Variants in SPRYD4 observed in about 807,000 individuals in gnomAD.
The protein encoded by SPRYD4 is SPRY domain-containing protein 4.
SPRYD4 carries 12 observed loss-of-function variants against 16.6 expected under a neutral mutation model. The observed-to-expected ratio is 0.72, with a 90% CI of 0.46 to 1.17. The LOEUF (loss-of-function observed/expected upper bound fraction) is 1.17. Among genes scored for constraint, SPRYD4 ranks in the 50% most tolerant of loss-of-function variants. SPRYD4 has a pLI of 0.00. For synonymous variants in SPRYD4, 98 were observed against 105.4 expected, an observed-to-expected ratio of 0.93 and a Z score of 0.43; for missense variants, 260 against 260.2, an observed-to-expected ratio of 1.00 and a Z score of 0.00.
Position 56,478,011 on chromosome 12 carries a change from C to T in SPRYD4, c.*8434C>T. ...ACAAACTTGTGCACGTAGTCAGTGC[C>T]TAGGGTGCTTATGGAGATGGCATAG... On this transcript the variant is annotated 3_prime_UTR_variant, in exon 2 of 2. Coordinates refer to ENST00000338146, the MANE Select transcript of SPRYD4 (RefSeq NM_207344.4). The T allele has an allele frequency of 6.2e-7, 1 of 1,614,236 alleles. No homozygotes were observed. Among genetic ancestry groups the T allele is most frequent in the Non-Finnish European group, 8.5e-7 (1 of 1,180,034 alleles).
Position 56,471,744 on chromosome 12 carries a change from CCCT to C in SPRYD4, c.*2173_*2175del, listed in dbSNP as rs1347518563. ...AGGGTAGGTGGAGAAGCTGTGCCCA[CCCT>C]CCTCCACTTTTAGCCTATTCCTCAC... On this transcript the variant is annotated 3_prime_UTR_variant, in exon 2 of 2. Coordinates refer to ENST00000338146, the MANE Select transcript of SPRYD4 (RefSeq NM_207344.4). 1.2e-6 allele frequency: 2 copies of C among 1,613,012 alleles called. No homozygotes were observed. Among genetic ancestry groups the C allele is most frequent in the East Asian group, 2.2e-5 (1 of 44,894 alleles).
chr12:56,468,948 G>T, intron 1 of SPRYD4, 91 bp from the exon 2 acceptor site: 1 of 1,458,796 alleles, frequency 6.9e-7, no homozygotes, highest in Non-Finnish European at 9.2e-7. Context: ...AGTTGCTCGT[G>T]TATCATGGCT....
chr12:56,469,071 C>T lies in SPRYD4; in HGVS notation c.118C>T (p.His40Tyr). 1 of 1,576,002 alleles carries T rather than the reference C, an allele frequency of 6.3e-7. No individual in the cohort carries two copies. The highest frequency in any genetic ancestry group is 8.6e-7 in the Non-Finnish European group (1 of 1,161,102). The change falls in exon 2 of 2, where the codon CAC (histidine) becomes TAC (tyrosine). Residue 40 changes from histidine to tyrosine, a missense_variant. Coordinates refer to ENST00000338146, the MANE Select transcript of SPRYD4 (RefSeq NM_207344.4). ...VSFKLEEKTA[H>Y]SSLALFRDDT... is the part of the protein sequence containing the mutation. ...TTTCAAACTGGAAGAAAAAACCGCC[C>T]ACAGCAGCCTGGCACTCTTCAGAGA...
In SPRYD4 at chr12:56,477,728, T is replaced by C. The variant is rs1379380661; in HGVS notation, c.*8151T>C. On this transcript the variant is annotated 3_prime_UTR_variant, in exon 2 of 2. Coordinates refer to ENST00000338146, the MANE Select transcript of SPRYD4 (RefSeq NM_207344.4). ...GGGTTATGGGGGATTCCTGGGGAAATACAAACCACCAAGAGTCTTAGCCAC... is the reference window on the plus strand; with the variant it reads ...GGGTTATGGGGGATTCCTGGGGAAACACAAACCACCAAGAGTCTTAGCCAC... 1 of 1,608,368 alleles carries C rather than the reference T, an allele frequency of 6.2e-7. No individual in the cohort carries two copies. Among genetic ancestry groups the C allele is most frequent in the Non-Finnish European group, 8.5e-7 (1 of 1,177,766 alleles).
rs1321513095 is a variant in SPRYD4, at chr12:56,474,907, G to A, written c.*5330G>A. On this transcript the variant is annotated 3_prime_UTR_variant, in exon 2 of 2. Coordinates refer to ENST00000338146, the MANE Select transcript of SPRYD4 (RefSeq NM_207344.4). ...CCCCTTAGGAAAGCACTGCAAGGAAGAGAGGGGAGAGCATTTCTCTTCAGG... is the reference window on the plus strand; with the variant it reads ...CCCCTTAGGAAAGCACTGCAAGGAAAAGAGGGGAGAGCATTTCTCTTCAGG... 1.2e-6 allele frequency: 2 copies of A among 1,614,020 alleles called. No individual in the cohort carries two copies. Among genetic ancestry groups the A allele is most frequent in the Admixed American group, 1.7e-5 (1 of 60,008 alleles).
rs1216732258 is a variant in SPRYD4, at chr12:56,472,390, ATCCT to A, written c.*2817_*2820del. On this transcript the variant is annotated 3_prime_UTR_variant, in exon 2 of 2. Transcript: ENST00000338146. ...CTCATATTAGAGAGATGGGAATGTG[ATCCT>A]TCCAGAAATATCACTCACTGCCTAC... The A allele has an allele frequency of 1.3e-5, 8 of 614,158 alleles. No homozygotes were observed. Among genetic ancestry groups the A allele is most frequent in the Non-Finnish European group, 2.0e-5 (7 of 350,004 alleles). 38.0% of individuals were successfully genotyped at this position (614,158 alleles called of 1,614,324 possible). A position where few individuals can be genotyped will look rare whatever the true frequency, so the allele number is the denominator to read the frequency against.
rs755989577 is a variant in SPRYD4, at chr12:56,475,009, C to T, written c.*5432C>T. ...CTGCCCTTCCACTAGCAGCAGAATT[C>T]CCAGGGACTTTCTCTTCCGGCCTCT... On this transcript the variant is annotated 3_prime_UTR_variant, in exon 2 of 2. Transcript: ENST00000338146. 6.2e-7 allele frequency: 1 copy of T among 1,614,004 alleles called. No individual in the cohort carries two copies. The highest frequency in any genetic ancestry group is 8.5e-7 in the Non-Finnish European group (1 of 1,180,038).
rs139232079 is a variant in SPRYD4 at position 56,469,719 on chromosome 12, C to T, written c.*142C>T. On this transcript the variant is annotated 3_prime_UTR_variant, in exon 2 of 2. Transcript: ENST00000338146. ...CTCTGTGCAATATCATGATCATCTTCCTCATCCCCTACCTTGTGAAAGCTA... is the reference window on the plus strand; with the variant it reads ...CTCTGTGCAATATCATGATCATCTTTCTCATCCCCTACCTTGTGAAAGCTA... 38 of 811,540 alleles carry T rather than the reference C, an allele frequency of 4.7e-5. 1 individual carries two copies. The East Asian group carries it at 1.0e-3, about 22-fold the overall frequency. 50.3% of individuals were successfully genotyped at this position (811,540 alleles called of 1,614,324 possible).
chr12:56,468,732 C>T, intron 1 of SPRYD4, 56 bp downstream of exon 1: 1 of 1,565,596 alleles, frequency 6.4e-7, no homozygotes, highest in Non-Finnish European at 8.8e-7. Flanking sequence ...TCTATTATTC[C>T]CAGACCCCAC....
In SPRYD4 at chr12:56,471,682, G is replaced by A. The variant is rs781019810; in HGVS notation, c.*2105G>A. The A allele has an allele frequency of 5.0e-6, 8 of 1,612,728 alleles. No individual in the cohort carries two copies. In the South Asian group the frequency reaches 5.5e-5, roughly 11 times the overall value. On this transcript the variant is annotated 3_prime_UTR_variant, in exon 2 of 2. Transcript: ENST00000338146. ...TGATATGATCAGGCAAAGGAGACGT[G>A]GAGAGTGGTGGTTGTATATATTTGC... is the stretch of plus-strand genomic sequence containing the variant.
At position 56,475,131 on chromosome 12, in the gene SPRYD4, A is replaced by G. The variant is rs1869691050; in HGVS notation, c.*5554A>G. ...GGAATCTGAAGCAAACACCCAATTTAGTACTTGAAGTTGGAGGAGTGGGTG... is the reference window on the plus strand; with the variant it reads ...GGAATCTGAAGCAAACACCCAATTTGGTACTTGAAGTTGGAGGAGTGGGTG... On this transcript the variant is annotated 3_prime_UTR_variant, in exon 2 of 2. Coordinates refer to ENST00000338146, the MANE Select transcript of SPRYD4 (RefSeq NM_207344.4). 6.2e-7 allele frequency: 1 copy of G among 1,613,638 alleles called. No individual in the cohort carries two copies. The highest frequency in any genetic ancestry group is 1.1e-5 in the South Asian group (1 of 91,088).
chr12:56,479,103 C>A lies in SPRYD4; in HGVS notation c.*9526C>A. On this transcript the variant is annotated 3_prime_UTR_variant, in exon 2 of 2. Transcript: ENST00000338146. ...CCTCAAAGATGCGATCCACATGGCC[C>A]GTGAACTCCTCAAAATCAGGAATGA... 6.2e-7 allele frequency: 1 copy of A among 1,614,000 alleles called. No homozygotes were observed. Among genetic ancestry groups the A allele is most frequent in the Non-Finnish European group, 8.5e-7 (1 of 1,180,014 alleles).
In SPRYD4 at chr12:56,477,674, T is replaced by C. The variant is rs761448385; in HGVS notation, c.*8097T>C. ...GTGGCACTGACCTTGATCAGGGAGC[T>C]GACAACAATGGCACCAGCATTGACC... On this transcript the variant is annotated 3_prime_UTR_variant, in exon 2 of 2. Transcript: ENST00000338146. 1 of 1,613,314 alleles carries C rather than the reference T, an allele frequency of 6.2e-7. No homozygotes were observed. Among genetic ancestry groups the C allele is most frequent in the Non-Finnish European group, 8.5e-7 (1 of 1,179,768 alleles).
rs1015573938 is a variant in SPRYD4, at chr12:56,474,538, A to G, written c.*4961A>G. The G allele has an allele frequency of 3.1e-6, 5 of 1,613,584 alleles. No homozygotes were observed. In the African/African-American group the frequency reaches 5.3e-5, roughly 17 times the overall value. ...TGACAGATGGATAGCAGAGCCAGAA[A>G]CTCACGTGGAAGGCAAACTGGCCAG... is the stretch of plus-strand genomic sequence containing the variant. On this transcript the variant is annotated 3_prime_UTR_variant, in exon 2 of 2. Transcript: ENST00000338146.
rs1407997572 is a variant in SPRYD4 at position 56,475,559 on chromosome 12, C to T, written c.*5982C>T. 1.3e-6 allele frequency: 2 copies of T among 1,526,630 alleles called. No individual in the cohort carries two copies. The highest frequency in any genetic ancestry group is 1.4e-5 in the African/African-American group (1 of 73,034). The allele number at this position is 1,526,630 out of a possible 1,614,324, so 94.6% of individuals were successfully genotyped here. A position where few individuals can be genotyped will look rare whatever the true frequency, so the allele number is the denominator to read the frequency against. ...ATTCTCTCTCCCCCATTCCTCTTGT[C>T]CCCATCCTAAGTACACACACATACA... On this transcript the variant is annotated 3_prime_UTR_variant, in exon 2 of 2. Coordinates refer to ENST00000338146, the MANE Select transcript of SPRYD4 (RefSeq NM_207344.4).
chr12:56,474,529 G>T lies in SPRYD4; in HGVS notation c.*4952G>T. Reference sequence around the variant, plus strand: ...CTGGGCTCATGACAGATGGATAGCAGAGCCAGAAACTCACGTGGAAGGCAA... The same window carrying T: ...CTGGGCTCATGACAGATGGATAGCATAGCCAGAAACTCACGTGGAAGGCAA... On this transcript the variant is annotated 3_prime_UTR_variant, in exon 2 of 2. Transcript: ENST00000338146. The T allele has an allele frequency of 6.2e-7, 1 of 1,613,402 alleles. No individual in the cohort carries two copies.
chr12:56,472,099 CCTCCTTAA>C lies in SPRYD4; in HGVS notation c.*2524_*2531del. On this transcript the variant is annotated 3_prime_UTR_variant, in exon 2 of 2. Coordinates refer to ENST00000338146, the MANE Select transcript of SPRYD4 (RefSeq NM_207344.4). ...GGTCTTATGATTACCCTCCTCCTCCCCTCCTTAACCCTTCAGTACCTTCAGCTGCAGCA... is the reference window on the plus strand; with the variant it reads ...GGTCTTATGATTACCCTCCTCCTCCCCCCTTCAGTACCTTCAGCTGCAGCA... The C allele has an allele frequency of 6.2e-7, 1 of 1,612,542 alleles. No homozygotes were observed. The highest frequency in any genetic ancestry group is 8.5e-7 in the Non-Finnish European group (1 of 1,178,866).
chr12:56,469,338 C>A lies in SPRYD4; in HGVS notation c.385C>A (p.Arg129Ser). ...TTCCTGGGTGTTCACCTATGCCCAG[C>A]GCAAGTGGTACACCATGTTGGCCAA... The part of the protein sequence containing the change: ...DRSWVFTYAQ[R>S]KWYTMLANEK... Residue 129 changes from arginine (R) to serine (S), a missense_variant, in exon 2 of 2, where the codon CGC becomes AGC. Coordinates refer to ENST00000338146, the MANE Select transcript of SPRYD4 (RefSeq NM_207344.4). 2 of 1,614,124 alleles carry A rather than the reference C, an allele frequency of 1.2e-6. No individual in the cohort carries two copies. Among genetic ancestry groups the A allele is most frequent in the Non-Finnish European group, 1.7e-6 (2 of 1,180,014 alleles).
Position 56,472,203 on chromosome 12 carries a change from T to C in SPRYD4, c.*2626T>C, listed in dbSNP as rs746549223. On this transcript the variant is annotated 3_prime_UTR_variant, in exon 2 of 2. Transcript: ENST00000338146. ...ATGGCTGACAAGGCAAACCTGAGGG[T>C]AGTGGGAAAGCAGCTAGAGTTGCCT... is the stretch of plus-strand genomic sequence containing the variant. The C allele has an allele frequency of 1.1e-5, 17 of 1,613,696 alleles. No individual in the cohort carries two copies. In the Admixed American group the frequency reaches 2.7e-4, roughly 25 times the overall value.
Sources: gnomAD v4.1 joint callset for allele counts on GRCh38, gnomAD v4.1.1 for gene constraint, MANE v1.5 for transcripts, NCBI Gene and HGNC (gene_info 2026-07-23, HGNC 2026-07-21) for gene names.